Variants in GLB1 observed in about 807,000 individuals in gnomAD.
The protein encoded by GLB1 is galactosidase beta 1.
In GLB1, 56 loss-of-function variants were observed where a neutral mutation model predicts 74.0. That is an observed-to-expected ratio of 0.76 (90% CI 0.61 to 0.94). GLB1 has a LOEUF of 0.94. GLB1 is among the 40% of genes least tolerant of loss of function. The pLI is 0.00. For missense variants in GLB1, 787 were observed against 845.5 expected (o/e 0.93, Z 0.86); for synonymous variants, 323 against 323.6 (o/e 1.00, Z 0.02).
intron 10 of GLB1, among the ~76,000 whole-genome samples, chr3:33,040,341 A>G (rs56106158): frequency 0.075 from 11,453 of 152,176 alleles, 563 homozygotes; most frequent in East Asian, 0.24. Context: ...AAGAACCCAC[A>G]TTCACCCCAA....
At chr3:33,052,219 C>T (rs1699023841) in intron 7 of GLB1, among the ~76,000 whole-genome samples, 1 of 152,180 alleles carries the variant, frequency 6.6e-6, no homozygotes, top group South Asian at 2.1e-4. Context: ...TCATCTTATA[C>T]AATGCAAGTA....
In GLB1 at chr3:33,075,189, A is replaced by G. The variant is rs973663237; in HGVS notation, c.76-2476T>C. On this transcript the variant is annotated intron_variant, in intron 1 of 15. Coordinates refer to ENST00000307363, the MANE Select transcript of GLB1 (RefSeq NM_000404.4). ...TAGTATATACATGGCTAAGTGTCAAATAAGTGTTCCTCACAAGTTTCCTAA... is the reference window on the plus strand; with the variant it reads ...TAGTATATACATGGCTAAGTGTCAAGTAAGTGTTCCTCACAAGTTTCCTAA... Among the ~76,000 whole-genome samples the G allele has an allele frequency of 8.5e-5, 13 of 152,332 alleles. No homozygotes were observed. The East Asian group carries it at 2.3e-3, about 27-fold the overall frequency.
chr3:32,978,620 C>T, the GLB1 span, among the ~76,000 whole-genome samples: 2 of 152,218 alleles, frequency 1.3e-5, no homozygotes, highest in African/African-American at 4.8e-5. Context: ...CTGATGGAGG[C>T]CTTGCTTGGC....
At position 33,016,692 on chromosome 3, in the gene GLB1, A is replaced by G. The variant is rs1697248746; in HGVS notation, c.1479+17T>C. On this transcript the variant is annotated intron_variant, in intron 14 of 15. Coordinates refer to ENST00000307363, the MANE Select transcript of GLB1 (RefSeq NM_000404.4). ...TCACCCCTTAAACCTTAGTCTTGAC[A>G]GTGTGGTTTGTCCTACCTTAAAATC... 9 of 1,613,264 alleles carry G rather than the reference A, an allele frequency of 5.6e-6. No individual in the cohort carries two copies. Among genetic ancestry groups the G allele is most frequent in the Non-Finnish European group, 7.6e-6 (9 of 1,179,498 alleles).
At chr3:32,973,802 TCAAA>T in the GLB1 span, among the ~76,000 whole-genome samples, 3 of 152,278 alleles carry the variant, frequency 2.0e-5, no homozygotes, top group South Asian at 4.1e-4. Context: ...AAATACTATT[TCAAA>T]CAAACAAACA....
chr3:33,013,410 T>C (rs987825980), intron 15 of GLB1, among the ~76,000 whole-genome samples: 2 of 152,180 alleles, frequency 1.3e-5, no homozygotes, highest in African/African-American at 4.8e-5. Flanking sequence ...TTATTCATGA[T>C]TGTATCCTTA....
intron 1 of GLB1, among the ~76,000 whole-genome samples, chr3:33,076,701 A>T (rs1003374789): frequency 1.3e-5 from 2 of 152,226 alleles, no homozygotes; most frequent in South Asian, 2.1e-4. Flanking sequence ...ATATCAATTT[A>T]AAAAATATGA....
At chr3:33,034,597 A>G (rs1698192593) in intron 10 of GLB1, 1 of 717,748 alleles carries the variant, frequency 1.4e-6, no homozygotes. Context: ...TGGGAAATAT[A>G]TGGTCTCCCA....
chr3:33,092,562 C>CA, intron 1 of GLB1: 1 of 1,210,790 alleles, frequency 8.3e-7, no homozygotes, highest in Non-Finnish European at 1.0e-6. Flanking sequence ...CATTCCACAT[C>CA]ATCTGGAAAA....
chr3:33,015,030 C>A (rs866411426), intron 14 of GLB1, among the ~76,000 whole-genome samples: 8 of 152,018 alleles, frequency 5.3e-5, no homozygotes, highest in African/African-American at 1.7e-4. Flanking sequence ...GGGGCATGCA[C>A]GTATAGTCCC....
chr3:32,993,263 C>T (rs1696256065), downstream of GLB1, among the ~76,000 whole-genome samples: 1 of 151,966 alleles, frequency 6.6e-6, no homozygotes, highest in Non-Finnish European at 1.5e-5. Context: ...CAAAGATAAA[C>T]AGACTGACAA....
intron 1 of GLB1, among the ~76,000 whole-genome samples, chr3:33,074,402 A>AAGAAAGAAAGAAAGAAAGAAAGAAAG (rs1700030555): frequency 6.9e-6 from 1 of 143,922 alleles, no homozygotes; most frequent in African/African-American, 2.5e-5. Flanking sequence ...GAAAGAAAGA[A>AAGAAAGAAAGAAAGAAAGAAAGAAAG]AGAAAGAATA....
At chr3:32,970,517 C>T in the GLB1 span, among the ~76,000 whole-genome samples, 1 of 152,184 alleles carries the variant, frequency 6.6e-6, no homozygotes, top group African/African-American at 2.4e-5. Flanking sequence ...ATAAGTCTAA[C>T]AGACTTGTAT....
chr3:33,096,796 C>G lies in GLB1; in HGVS notation c.75+215G>C, dbSNP rs1483739333. ...GGCCGGAGCGGAACGCACAAGCGACCGAGCTGCCTGGAAGGACGCGCGCCC... is the reference window on the plus strand; with the variant it reads ...GGCCGGAGCGGAACGCACAAGCGACGGAGCTGCCTGGAAGGACGCGCGCCC... On this transcript the variant is annotated intron_variant, in intron 1 of 15. Coordinates refer to ENST00000307363, the MANE Select transcript of GLB1 (RefSeq NM_000404.4). 20 of 1,348,870 alleles carry G rather than the reference C, an allele frequency of 1.5e-5. No homozygotes were observed. The East Asian group carries it at 1.9e-4, about 13-fold the overall frequency. 83.6% of individuals were successfully genotyped at this position (1,348,870 alleles called of 1,614,324 possible). A position where few individuals can be genotyped will look rare whatever the true frequency, so the allele number is the denominator to read the frequency against.
chr3:33,018,663 A>G (rs1697344601), intron 12 of GLB1, 102 bp from the exon 13 acceptor site: 2 of 1,291,422 alleles, frequency 1.5e-6, no homozygotes, highest in Admixed American at 2.1e-5. Context: ...TCAAACCATA[A>G]GGAATGAAAA....
chr3:32,976,913 T>C, the GLB1 span, among the ~76,000 whole-genome samples: 1 of 152,222 alleles, frequency 6.6e-6, no homozygotes, highest in African/African-American at 2.4e-5. Context: ...ATATTGAGCT[T>C]GTGCTGTGAC....
At chr3:32,994,920 CAAAAAAAAAAAA>C (rs56169200), downstream of GLB1, among the ~76,000 whole-genome samples, 55,225 of 116,052 alleles carry the variant, frequency 0.48, 10,648 homozygotes, top group South Asian at 0.59. Flanking sequence ...GACTCTGTTT[CAAAAAAAAAAAA>C]AAAAAAAAAA....
chr3:32,978,132 G>A, the GLB1 span, among the ~76,000 whole-genome samples: 1 of 152,176 alleles, frequency 6.6e-6, no homozygotes, highest in South Asian at 2.1e-4. Flanking sequence ...ATGAAGAACA[G>A]GTGTCACCAA....
At chr3:33,057,961 T>C in intron 6 of GLB1, 128 bp downstream of exon 6, 1 of 1,274,438 alleles carries the variant, frequency 7.8e-7, no homozygotes, top group Non-Finnish European at 1.1e-6. Context: ...ATTCTACCTG[T>C]TCCTTGAAAA....
Sources: allele counts gnomAD v4.1 joint callset (sites outside exome capture counted in the v4.1 genomes callset), GRCh38; gene constraint gnomAD v4.1.1; transcripts MANE v1.5; gene names NCBI Gene and HGNC (gene_info 2026-07-23, HGNC 2026-07-21).